Variants in ARFIP1 observed in about 807,000 individuals in gnomAD.
ARFIP1 encodes ARF interacting protein 1.
Under a neutral mutation model 42.5 loss-of-function variants are expected in ARFIP1, and 24 were observed. The ratio of observed to expected loss-of-function variants is 0.57; its 90% CI spans 0.41 to 0.80. The LOEUF (loss-of-function observed/expected upper bound fraction) is 0.80. ARFIP1 is among the 30% of genes least tolerant of loss of function. The pLI is 0.00. For missense variants in ARFIP1, 354 were observed against 434.0 expected (o/e 0.82, Z 1.64); for synonymous variants, 141 against 153.7 (o/e 0.92, Z 0.61).
intron 7 of ARFIP1, among the ~76,000 whole-genome samples, chr4:152,883,881 T>C (rs1292883884): frequency 1.3e-5 from 2 of 151,850 alleles, no homozygotes; most frequent in Non-Finnish European, 2.9e-5. Flanking sequence ...CATTATACTT[T>C]TTATGCATAG....
chr4:152,795,064 C>T (rs1423074143), intron 1 of ARFIP1, among the ~76,000 whole-genome samples: 1 of 152,172 alleles, frequency 6.6e-6, no homozygotes, highest in Non-Finnish European at 1.5e-5. Flanking sequence ...AGCCTTGCTA[C>T]TCTGTTCCCA....
intron 2 of ARFIP1, among the ~76,000 whole-genome samples, chr4:152,848,617 A>C (rs1462286444): frequency 6.6e-6 from 1 of 151,464 alleles, no homozygotes; most frequent in Non-Finnish European, 1.5e-5. Context: ...AAATTGTTGG[A>C]ACACTGTTCC....
chr4:152,792,844 G>A (rs1343212061), intron 1 of ARFIP1, among the ~76,000 whole-genome samples: 1 of 152,122 alleles, frequency 6.6e-6, no homozygotes, highest in African/African-American at 2.4e-5. Context: ...TAAAATCAAA[G>A]CAGCTACAAA....
At chr4:152,792,650 A>T (rs766135057) in intron 1 of ARFIP1, among the ~76,000 whole-genome samples, 51 of 152,096 alleles carry the variant, frequency 3.4e-4, no homozygotes, top group Non-Finnish European at 6.2e-4. Flanking sequence ...GGTTTTAGGG[A>T]TCCTGGCAAA....
intron 3 of ARFIP1, among the ~76,000 whole-genome samples, chr4:152,864,841 A>G (rs1734186549): frequency 6.7e-6 from 1 of 150,164 alleles, no homozygotes; most frequent in East Asian, 1.9e-4. Flanking sequence ...CACATCTCAT[A>G]TCTATGTCTA....
intron 3 of ARFIP1, among the ~76,000 whole-genome samples, chr4:152,867,366 C>T (rs978414049): frequency 1.3e-5 from 2 of 152,132 alleles, no homozygotes; most frequent in Admixed American, 6.5e-5. Context: ...CATGGCGGTG[C>T]GTGCCTGCAA....
At chr4:152,820,523 A>C (rs1452565890) in intron 1 of ARFIP1, among the ~76,000 whole-genome samples, 1 of 152,198 alleles carries the variant, frequency 6.6e-6, no homozygotes, top group Non-Finnish European at 1.5e-5. Context: ...CTGTTCAGGA[A>C]GCATGGCTTG....
At chr4:152,799,219 G>A (rs550373744) in intron 1 of ARFIP1, among the ~76,000 whole-genome samples, 32 of 151,596 alleles carry the variant, frequency 2.1e-4, no homozygotes, top group African/African-American at 7.5e-4. Context: ...GTAATGAATA[G>A]ATATACATAT....
chr4:152,788,729 C>A (rs1298136291), intron 1 of ARFIP1, among the ~76,000 whole-genome samples: 2 of 150,780 alleles, frequency 1.3e-5, no homozygotes, highest in African/African-American at 4.9e-5. Context: ...ACATTTGTCA[C>A]AATTAACCAA....
chr4:152,798,977 C>T (rs1731640503), intron 1 of ARFIP1, among the ~76,000 whole-genome samples: 1 of 152,216 alleles, frequency 6.6e-6, no homozygotes, highest in Non-Finnish European at 1.5e-5. Context: ...TCAGGGAGAT[C>T]TGAGTTCTGG....
chr4:152,821,871 G>C (rs533060397), intron 1 of ARFIP1, among the ~76,000 whole-genome samples: 51 of 152,132 alleles, frequency 3.4e-4, no homozygotes, highest in Non-Finnish European at 6.0e-4. Context: ...GCAAAACTAA[G>C]TTGTATAAAT....
At chr4:152,879,195 A>G (rs1035259454) in intron 5 of ARFIP1, among the ~76,000 whole-genome samples, 48 of 152,224 alleles carry the variant, frequency 3.2e-4, no homozygotes, top group Non-Finnish European at 6.5e-4. Context: ...AAAAAAAAAA[A>G]AGTTTATAAG....
chr4:152,828,375 T>C (rs562530669), intron 1 of ARFIP1, among the ~76,000 whole-genome samples: 3 of 152,366 alleles, frequency 2.0e-5, no homozygotes, highest in Non-Finnish European at 4.4e-5. Flanking sequence ...CAGCATTTGG[T>C]GTTGTCAGTG....
Position 152,888,237 on chromosome 4 carries a change from C to A in ARFIP1, c.896C>A (p.Ala299Glu). ...KIEQSQHLFQ[A>E]HKEKYDKMRN... The stretch of plus-strand genomic sequence containing the variant: ...GAGCAGTCACAGCATCTCTTCCAAG[C>A]ACATAAGGAAAAATATGATAAAATG... Residue 299 changes from alanine (A) to glutamate (E), a missense_variant, in exon 8 of 9, where the codon GCA becomes GAA. Transcript: ENST00000353617. The A allele has an allele frequency of 1.2e-6, 2 of 1,610,564 alleles. No individual in the cohort carries two copies. The highest frequency in any genetic ancestry group is 1.7e-6 in the Non-Finnish European group (2 of 1,178,394).
chr4:152,889,505 A>G (rs1279162530), intron 8 of ARFIP1, among the ~76,000 whole-genome samples: 2 of 52,478 alleles, frequency 3.8e-5, no homozygotes, highest in Non-Finnish European at 7.3e-5. Flanking sequence ...AGTCATATAT[A>G]TATATATATA....
chr4:152,795,766 G>T (rs1731408496), intron 1 of ARFIP1, among the ~76,000 whole-genome samples: 1 of 133,032 alleles, frequency 7.5e-6, no homozygotes, highest in Non-Finnish European at 1.6e-5. Flanking sequence ...GTTTTAATTG[G>T]CATTTCTCTA....
intron 1 of ARFIP1, among the ~76,000 whole-genome samples, chr4:152,807,629 A>G (rs946546707): frequency 6.6e-6 from 1 of 151,710 alleles, no homozygotes; most frequent in African/African-American, 2.4e-5. Context: ...TTGAATTGCA[A>G]GAGTTATTTA....
chr4:152,795,954 TTGA>T, intron 1 of ARFIP1: 2 of 293,486 alleles, frequency 6.8e-6, no homozygotes, highest in East Asian at 7.6e-5. Flanking sequence ...TAATAATCTC[TTGA>T]TGATTGCAGA....
intron 1 of ARFIP1, among the ~76,000 whole-genome samples, chr4:152,787,388 C>G (rs1338440389): frequency 6.6e-6 from 1 of 152,212 alleles, no homozygotes; most frequent in South Asian, 2.1e-4. Flanking sequence ...TGTGATGAAT[C>G]AAAGTCAGAA....
Sources: gnomAD v4.1 joint callset for allele counts (sites outside exome capture counted in the v4.1 genomes callset) on GRCh38, gnomAD v4.1.1 for gene constraint, MANE v1.5 for transcripts, NCBI Gene and HGNC (gene_info 2026-07-23, HGNC 2026-07-21) for gene names.